The following EPHA6 variants were observed in gnomAD, a reference collection of about 807,000 sequenced individuals.
EPHA6 encodes the protein ephrin type-A receptor 6.
A neutral mutation model predicts 112.0 loss-of-function variants in EPHA6; 50 were observed. The observed-to-expected ratio is 0.45, with a 90% CI of 0.36 to 0.56. The LOEUF is 0.56. Ranked by LOEUF, EPHA6 falls within the 20% of genes least tolerant of loss-of-function variation. The pLI is 0.00. For missense variants in EPHA6, 1,280 were observed against 1,417.4 expected (o/e 0.90, Z 1.56); for synonymous variants, 529 against 490.7 (o/e 1.08, Z -1.03).
At chr3:97,492,878 G>A (rs776384416) in intron 10 of EPHA6, among the ~76,000 whole-genome samples, 16 of 151,948 alleles carry the variant, frequency 1.1e-4, no homozygotes, top group Non-Finnish European at 2.1e-4. Context: ...AAATGGTGTG[G>A]AGATTAAGAG....
chr3:97,720,473 A>T, intron 15 of EPHA6, 63 bp downstream of exon 15: 1 of 1,440,660 alleles, frequency 6.9e-7, no homozygotes. Context: ...TTGAGGGGGA[A>T]TTATGCCTTT....
chr3:97,676,518 A>T (rs1219574706), intron 14 of EPHA6, among the ~76,000 whole-genome samples: 3 of 152,218 alleles, frequency 2.0e-5, no homozygotes, highest in Non-Finnish European at 4.4e-5. Flanking sequence ...TAACTCTTTC[A>T]AAGAATTTTG....
intron 11 of EPHA6, among the ~76,000 whole-genome samples, chr3:97,575,527 T>A (rs2093374507): frequency 6.6e-6 from 1 of 152,132 alleles, no homozygotes; most frequent in Admixed American, 6.5e-5. Flanking sequence ...TAAAAAAACA[T>A]CTGAGAGGTT....
chr3:97,556,621 A>G (rs959342845), intron 11 of EPHA6, among the ~76,000 whole-genome samples: 1 of 152,032 alleles, frequency 6.6e-6, no homozygotes, highest in Non-Finnish European at 1.5e-5. Flanking sequence ...CCCTCCCAGG[A>G]CACATGGGGA....
chr3:97,351,098 T>C (rs2108893765), intron 5 of EPHA6, among the ~76,000 whole-genome samples: 1 of 152,294 alleles, frequency 6.6e-6, no homozygotes, highest in African/African-American at 2.4e-5. Flanking sequence ...CATATGTTCA[T>C]AGCTATTTTA....
At chr3:97,542,793 G>A (rs1220798251) in intron 11 of EPHA6, among the ~76,000 whole-genome samples, 1 of 152,160 alleles carries the variant, frequency 6.6e-6, no homozygotes, top group African/African-American at 2.4e-5. Context: ...CATTCTAACT[G>A]GTGTGAGATG....
At chr3:97,073,181 G>A (rs568202949) in intron 3 of EPHA6, among the ~76,000 whole-genome samples, 33 of 152,114 alleles carry the variant, frequency 2.2e-4, no homozygotes, top group Non-Finnish European at 3.8e-4. Context: ...TGTATGATGT[G>A]TACATCTGCC....
At chr3:97,563,488 G>A (rs1171628876) in intron 11 of EPHA6, among the ~76,000 whole-genome samples, 1 of 152,132 alleles carries the variant, frequency 6.6e-6, no homozygotes, top group South Asian at 2.1e-4. Context: ...ATATCAGCAA[G>A]AGTTAGGATG....
rs747175191 is a variant in EPHA6, at chr3:96,814,865, A to G, written c.242A>G (p.His81Arg). 3.1e-5 allele frequency: 49 copies of G among 1,559,514 alleles called. No homozygotes were observed. The Admixed American group carries it at 9.5e-4, about 30-fold the overall frequency. ...CAGAACACCTGCCTGCGCTGCCGCC[A>G]CTTCTCTTTAAGGGAGAGGAAAAGA... is the stretch of plus-strand genomic sequence containing the variant. ...PTQNTCLRCR[H>R]FSLRERKREP... Residue 81 changes from histidine (H) to arginine (R), a missense_variant, in exon 1 of 18, where the codon CAC becomes CGC. His to Arg is a conservative substitution (Grantham distance 29). Coordinates refer to ENST00000389672, the MANE Select transcript of EPHA6 (RefSeq NM_001080448.3).
intron 5 of EPHA6, among the ~76,000 whole-genome samples, chr3:97,363,230 ATATATAT>A (rs2084499275): frequency 2.0e-4 from 15 of 75,078 alleles, no homozygotes; most frequent in South Asian, 4.1e-4. Flanking sequence ...ATATATATAT[ATATATAT>A]AAATCTCAGA....
intron 5 of EPHA6, among the ~76,000 whole-genome samples, chr3:97,398,770 A>G (rs1425600276): frequency 6.6e-6 from 1 of 151,474 alleles, no homozygotes; most frequent in African/African-American, 2.4e-5. Context: ...CACTCATTTT[A>G]TTCCTTGTCA....
Position 97,220,479 on chromosome 3 carries a change from C to G in EPHA6, c.1115-5785C>G, listed in dbSNP as rs115512691. Among the ~76,000 whole-genome samples the G allele has an allele frequency of 6.1e-3, 929 of 152,238 alleles. 7 individuals carry two copies. The highest frequency in any genetic ancestry group is 0.021 in the African/African-American group (886 of 41,528). On this transcript the variant is annotated intron_variant, in intron 3 of 17. Coordinates refer to ENST00000389672, the MANE Select transcript of EPHA6 (RefSeq NM_001080448.3). ...TAAAGGAAAGAGGTTTAATTGACCA[C>G]CAGTTTAACATGTCTGGAGAAGCCT...
chr3:97,448,632 T>C lies in EPHA6; in HGVS notation c.1796T>C (p.Leu599Pro). Residue 599 changes from leucine (L) to proline (P), a missense_variant, in exon 7 of 18, where the codon CTT (leucine) becomes CCT (proline). Transcript: ENST00000389672. ...GCCCCCAGTGTCATCATCACAGGTCTTAAGCCAGCCACCAAATATGTATTT... is the reference window on the plus strand; with the variant it reads ...GCCCCCAGTGTCATCATCACAGGTCCTAAGCCAGCCACCAAATATGTATTT... ...SKAPSVIITG[L>P]KPATKYVFHI... 1 of 1,613,610 alleles carries C rather than the reference T, an allele frequency of 6.2e-7. No individual in the cohort carries two copies. Among genetic ancestry groups the C allele is most frequent in the Non-Finnish European group, 8.5e-7 (1 of 1,179,610 alleles).
At chr3:97,299,196 TGTGTGTGTGTGTGTGTAGGGGGGA>T (rs1432931470) in intron 5 of EPHA6, among the ~76,000 whole-genome samples, 2 of 150,692 alleles carry the variant, frequency 1.3e-5, no homozygotes, top group African/African-American at 2.5e-5. Context: ...TGTGTGTGTG[TGTGTGTGTGTGTGTGTAGGGGGGA>T]GTGTGTGTGT....
rs954944290 is a variant in EPHA6 at position 97,758,593 on chromosome 3, T to C, written c.*9892T>C. ...AAGTCCCTGTCTCATGGAATTGACCTTCTAGTGATAAAGACACACAATGAA... is the reference window on the plus strand; with the variant it reads ...AAGTCCCTGTCTCATGGAATTGACCCTCTAGTGATAAAGACACACAATGAA... On this transcript the variant is annotated 3_prime_UTR_variant, in exon 18 of 18. Coordinates refer to ENST00000389672, the MANE Select transcript of EPHA6 (RefSeq NM_001080448.3). 1.3e-5 allele frequency among the ~76,000 whole-genome samples: 2 copies of C among 151,928 alleles called. No homozygotes were observed. Among genetic ancestry groups the C allele is most frequent in the Non-Finnish European group, 2.9e-5 (2 of 67,888 alleles).
intron 3 of EPHA6, among the ~76,000 whole-genome samples, chr3:96,991,626 C>G (rs927955251): frequency 6.6e-6 from 1 of 152,190 alleles, no homozygotes; most frequent in Admixed American, 6.5e-5. Flanking sequence ...ACAGTCTTCT[C>G]TCTGGATTCT....
At chr3:97,349,796 A>G (rs1488268012) in intron 5 of EPHA6, among the ~76,000 whole-genome samples, 1 of 152,060 alleles carries the variant, frequency 6.6e-6, no homozygotes, top group Non-Finnish European at 1.5e-5. Flanking sequence ...TTCTGATCAT[A>G]GCATCATACG....
At chr3:97,141,649 A>G (rs568692737) in intron 3 of EPHA6, among the ~76,000 whole-genome samples, 8 of 152,138 alleles carry the variant, frequency 5.3e-5, no homozygotes, top group South Asian at 2.1e-4. Context: ...GAGATACAAC[A>G]TATCAAAACC....
intron 5 of EPHA6, among the ~76,000 whole-genome samples, chr3:97,396,051 G>C (rs2086675158): frequency 6.6e-6 from 1 of 151,718 alleles, no homozygotes. Context: ...ACTCATTAAT[G>C]CTGAAGCAAA....
Sources: gnomAD v4.1 joint callset for allele counts (sites outside exome capture counted in the v4.1 genomes callset) on GRCh38, gnomAD v4.1.1 for gene constraint, MANE v1.5 for transcripts, NCBI Gene and HGNC (gene_info 2026-07-23, HGNC 2026-07-21) for gene names.